The following PIM1 variants were observed in gnomAD, a reference collection of about 807,000 sequenced individuals.
PIM1 encodes serine/threonine-protein kinase pim-1.
PIM1 carries 9 observed loss-of-function variants against 34.5 expected under a neutral mutation model. The ratio of observed to expected loss-of-function variants is 0.26; its 90% CI spans 0.16 to 0.46. The LOEUF (loss-of-function observed/expected upper bound fraction) is 0.46. Among genes scored for constraint, PIM1 ranks in the 20% least tolerant of loss-of-function variants. PIM1 has a pLI of 1.00. For missense variants in PIM1, 274 were observed against 410.9 expected, an observed-to-expected ratio of 0.67 and a Z score of 2.88; for synonymous variants, 199 against 175.2, an observed-to-expected ratio of 1.14 and a Z score of -1.07.
Position 37,172,931 on chromosome 6 carries a change from ACCC to A in PIM1, c.608-64_608-62del, listed in dbSNP as rs1226910892. On this transcript the variant is annotated intron_variant, in intron 4 of 5. Coordinates refer to ENST00000373509, the MANE Select transcript of PIM1 (RefSeq NM_002648.4). ...TTTAAAAGAAAGAGTTATATATACC[ACCC>A]AGCTTCTTTGTGCTTGTTTTTGCTA... The A allele has an allele frequency of 3.6e-6, 5 of 1,376,734 alleles. No individual in the cohort carries two copies. The African/African-American group carries it at 7.3e-5, about 20-fold the overall frequency. The allele number at this position is 1,376,734 out of a possible 1,614,324, so 85.3% of individuals were successfully genotyped here.
Position 37,170,386 on chromosome 6 carries a change from C to T in PIM1, c.-190C>T. On this transcript the variant is annotated 5_prime_UTR_variant, in exon 1 of 6. Transcript: ENST00000373509. ...CTGGCGCGCCCTCCCGCCGCCAGTCCCGGCAGCGCCCTCAGTTGTCCTCCG... is the reference window on the plus strand; with the variant it reads ...CTGGCGCGCCCTCCCGCCGCCAGTCTCGGCAGCGCCCTCAGTTGTCCTCCG... 6.6e-7 allele frequency: 1 copy of T among 1,525,246 alleles called. No individual in the cohort carries two copies. Among genetic ancestry groups the T allele is most frequent in the Non-Finnish European group, 8.8e-7 (1 of 1,142,266 alleles). The allele number at this position is 1,525,246 out of a possible 1,614,324, so 94.5% of individuals were successfully genotyped here. A position where few individuals can be genotyped will look rare whatever the true frequency, so the allele number is the denominator to read the frequency against.
Position 37,170,532 on chromosome 6 carries a change from G to C in PIM1, c.-44G>C, listed in dbSNP as rs1384556739. ...AGCCCCGGCTCCGGCTCCTGCGGCA[G>C]CTCCTCTGGGCACCGTCCCTGCGCC... On this transcript the variant is annotated 5_prime_UTR_variant, in exon 1 of 6. Transcript: ENST00000373509. The C allele has an allele frequency of 1.9e-6, 3 of 1,610,148 alleles. No homozygotes were observed. The highest frequency in any genetic ancestry group is 1.7e-6 in the Non-Finnish European group (2 of 1,179,202).
At chr6:37,172,421 G>A (rs977404787) in intron 4 of PIM1, 3 of 353,788 alleles carry the variant, frequency 8.5e-6, no homozygotes, top group Non-Finnish European at 1.7e-5. Context: ...CAGGAATCAC[G>A]TGGTCTGAAA....
chr6:37,173,980 T>A lies in PIM1; in HGVS notation c.831T>A (p.Asp277Glu). The A allele has an allele frequency of 6.2e-7, 1 of 1,614,050 alleles. No homozygotes were observed. The highest frequency in any genetic ancestry group is 1.1e-5 in the South Asian group (1 of 91,080). ...IRWCLALRPS[D>E]RPTFEEIQNH... ...GGTGCTTGGCCCTGAGACCATCAGA[T>A]AGGCCAACCTTCGAAGAAATCCAGA... The change falls in exon 6 of 6, where the codon GAT (aspartate) becomes GAA (glutamate). Residue 277 changes from aspartate (D) to glutamate (E), a missense_variant. By Grantham distance (45) the Asp-to-Glu change is conservative. Transcript: ENST00000373509.
chr6:37,174,991 G>GTACT lies in PIM1; in HGVS notation c.*902_*903insCTTA, dbSNP rs1554166419. ...ATTCTAACCTGGAGGTCAATGTTAT[G>GTACT]TATTTATTTATTTATTTATTTGGTT... On this transcript the variant is annotated 3_prime_UTR_variant, in exon 6 of 6. Coordinates refer to ENST00000373509, the MANE Select transcript of PIM1 (RefSeq NM_002648.4). 8.6e-6 allele frequency: 2 copies of GTACT among 233,336 alleles called. No homozygotes were observed. Among genetic ancestry groups the GTACT allele is most frequent in the African/African-American group, 2.2e-5 (1 of 45,320 alleles). 14.5% of individuals were successfully genotyped at this position (233,336 alleles called of 1,614,324 possible). A position where few individuals can be genotyped will look rare whatever the true frequency, so the allele number is the denominator to read the frequency against.
At chr6:37,173,274 A>G in intron 5 of PIM1, 102 bp downstream of exon 5, 1 of 1,027,248 alleles carries the variant, frequency 9.7e-7, no homozygotes, top group Non-Finnish European at 1.4e-6. Flanking sequence ...ACTCTCCAGT[A>G]GATTCTGTCA....
rs1269117862 is a variant in PIM1, at chr6:37,174,164, C to G, written c.*73C>G. ...GGGGAAGCTTCTGTCTCCAGCTTCC[C>G]GAGTACCAGTGACACGTCTCGCCAA... On this transcript the variant is annotated 3_prime_UTR_variant, in exon 6 of 6. Transcript: ENST00000373509. The G allele has an allele frequency of 6.9e-7, 1 of 1,439,142 alleles. No homozygotes were observed. The allele number at this position is 1,439,142 out of a possible 1,614,324, so 89.1% of individuals were successfully genotyped here.
rs45569033 is a variant in PIM1 at position 37,173,846 on chromosome 6, T to C, written c.785-88T>C. The C allele has an allele frequency of 8.8e-3, 11,168 of 1,271,102 alleles. 511 individuals carry two copies. In the African/African-American group the frequency reaches 0.12, roughly 13 times the overall value. The allele number at this position is 1,271,102 out of a possible 1,614,324, so 78.7% of individuals were successfully genotyped here. A position where few individuals can be genotyped will look rare whatever the true frequency, so the allele number is the denominator to read the frequency against. The stretch of plus-strand genomic sequence containing the variant: ...TGGCCTCCCTGGGACCCCAGACTTG[T>C]GGGCCTCTGAGAAGCAAATGGGGAA... On this transcript the variant is annotated intron_variant, in intron 5 of 5. Coordinates refer to ENST00000373509, the MANE Select transcript of PIM1 (RefSeq NM_002648.4).
chr6:37,173,842 C>T (rs914765137), intron 5 of PIM1, 92 bp from the exon 6 acceptor site: 4 of 1,233,872 alleles, frequency 3.2e-6, no homozygotes, highest in Admixed American at 2.2e-5. Context: ...GGACCCCAGA[C>T]TTGTGGGCCT....
In PIM1 at chr6:37,170,373, C is replaced by G; in HGVS notation, c.-203C>G. 1 of 1,522,092 alleles carries G rather than the reference C, an allele frequency of 6.6e-7. No homozygotes were observed. Among genetic ancestry groups the G allele is most frequent in the African/African-American group, 1.4e-5 (1 of 70,918 alleles). 94.3% of individuals were successfully genotyped at this position (1,522,092 alleles called of 1,614,324 possible). On this transcript the variant is annotated 5_prime_UTR_variant, in exon 1 of 6. Coordinates refer to ENST00000373509, the MANE Select transcript of PIM1 (RefSeq NM_002648.4). ...CTGCCCGACCCCGCTGGCGCGCCCT[C>G]CCGCCGCCAGTCCCGGCAGCGCCCT...
Position 37,170,973 on chromosome 6 carries a change from G to A in PIM1, c.190-8G>A, listed in dbSNP as rs1476428658. The stretch of plus-strand genomic sequence containing the variant: ...CGAGGGAACCTGACGGAGACCCTGG[G>A]CTTCCAGGTGGCCATCAAACACGTG... On this transcript the variant is annotated splice_region_variant and splice_polypyrimidine_tract_variant and intron_variant, in intron 2 of 5. Transcript: ENST00000373509. 5 of 1,613,902 alleles carry A rather than the reference G, an allele frequency of 3.1e-6. No individual in the cohort carries two copies. The highest frequency in any genetic ancestry group is 2.7e-5 in the African/African-American group (2 of 74,930).
rs1762387478 is a variant in PIM1, at chr6:37,175,163, C to G, written c.*1072C>G. 4.3e-6 allele frequency: 1 copy of G among 233,634 alleles called. No homozygotes were observed. The highest frequency in any genetic ancestry group is 8.5e-6 in the Non-Finnish European group (1 of 118,138). The allele number at this position is 233,634 out of a possible 1,614,324, so 14.5% of individuals were successfully genotyped here. ...TCAGGCGGGACAGTGCTGCAGCTCCCTGGCTTCTGTGGGGCCCCTCACCTA... is the reference window on the plus strand; with the variant it reads ...TCAGGCGGGACAGTGCTGCAGCTCCGTGGCTTCTGTGGGGCCCCTCACCTA... On this transcript the variant is annotated 3_prime_UTR_variant, in exon 6 of 6. Coordinates refer to ENST00000373509, the MANE Select transcript of PIM1 (RefSeq NM_002648.4).
At chr6:37,172,582 A>G (rs1344366957) in intron 4 of PIM1, 1 of 457,200 alleles carries the variant, frequency 2.2e-6, no homozygotes, top group Non-Finnish European at 4.4e-6. Flanking sequence ...CCTGTCGGCC[A>G]TGAGAATCTC....
chr6:37,174,731 CCTT>C lies in PIM1; in HGVS notation c.*641_*643del, dbSNP rs544025711. On this transcript the variant is annotated 3_prime_UTR_variant, in exon 6 of 6. Coordinates refer to ENST00000373509, the MANE Select transcript of PIM1 (RefSeq NM_002648.4). Reference sequence around the variant, plus strand: ...GAGCCACCTGCCCTTTTTTCTGCCTCCTTTAGTAAAACTCCGAGTGAACTGGTC... The same window carrying C: ...GAGCCACCTGCCCTTTTTTCTGCCTCTAGTAAAACTCCGAGTGAACTGGTC... 7.7e-5 allele frequency: 18 copies of C among 233,728 alleles called. No homozygotes were observed. Among genetic ancestry groups the C allele is most frequent in the Admixed American group, 5.6e-4 (10 of 17,790 alleles). 14.5% of individuals were successfully genotyped at this position (233,728 alleles called of 1,614,324 possible).
At position 37,173,989 on chromosome 6, in the gene PIM1, C is replaced by T. The variant is rs144132371; in HGVS notation, c.840C>T (p.Thr280=). The T allele has an allele frequency of 6.2e-7, 1 of 1,613,990 alleles. No homozygotes were observed. The highest frequency in any genetic ancestry group is 1.3e-5 in the African/African-American group (1 of 74,912). Residue 280 remains threonine, a synonymous_variant, in exon 6 of 6, where the codon ACC becomes ACT. Transcript: ENST00000373509. ...CCCTGAGACCATCAGATAGGCCAAC[C>T]TTCGAAGAAATCCAGAACCATCCAT... is the stretch of plus-strand genomic sequence containing the variant. ...CLALRPSDRP[T]FEEIQNHPWM...
Position 37,171,258 on chromosome 6 carries a change from C to G in PIM1, c.374C>G (p.Pro125Arg). The G allele has an allele frequency of 1.2e-6, 2 of 1,614,164 alleles. No individual in the cohort carries two copies. The highest frequency in any genetic ancestry group is 1.7e-6 in the Non-Finnish European group (2 of 1,180,046). ...GTCCTGATCCTGGAGAGGCCCGAGC[C>G]GGTGCAAGATCTCTTCGACTTCATC... The part of the protein sequence containing the change: ...SFVLILERPE[P>R]VQDLFDFITE... The change falls in exon 4 of 6, where the codon CCG (proline) becomes CGG (arginine). Residue 125 changes from proline (P) to arginine (R), a missense_variant. Pro to Arg is a moderately radical substitution (Grantham distance 103, BLOSUM62 -2). This residue lies in a region of PIM1 where 168 missense variants were observed against 299.4 expected (regional missense o/e 0.56). Coordinates refer to ENST00000373509, the MANE Select transcript of PIM1 (RefSeq NM_002648.4).
Position 37,170,581 on chromosome 6 carries a change from C to G in PIM1, c.6C>G (p.Leu2=), listed in dbSNP as rs576804627. The change falls in exon 1 of 6, where the codon CTC becomes CTG. Residue 2 remains leucine, a synonymous_variant. Transcript: ENST00000373509. M[L]LSKINSLAHL... is the part of the protein sequence containing the mutation. The stretch of plus-strand genomic sequence containing the variant: ...CCGACATCCTGGAGGTTGGGATGCT[C>G]TTGTCCAAAATCAACTCGCTTGCCC... 9.9e-6 allele frequency: 16 copies of G among 1,613,106 alleles called. No homozygotes were observed. In the East Asian group the frequency reaches 3.3e-4, roughly 34 times the overall value.
At chr6:37,172,894 A>ATTT (rs71773641) in intron 4 of PIM1, 102 bp from the exon 5 acceptor site, 8 of 855,694 alleles carry the variant, frequency 9.3e-6, no homozygotes, top group African/African-American at 7.1e-5. Context: ...GAGAGAAGGG[A>ATTT]TTTTTTTTTT....
chr6:37,173,364 T>A (rs1204621363), intron 5 of PIM1, among the ~76,000 whole-genome samples, 192 bp downstream of exon 5: 3 of 152,202 alleles, frequency 2.0e-5, no homozygotes, highest in African/African-American at 7.2e-5. Flanking sequence ...TGAGCTTTCC[T>A]TGGGAGGTCA....
Sources: allele counts gnomAD v4.1 joint callset (sites outside exome capture counted in the v4.1 genomes callset), GRCh38; gene constraint gnomAD v4.1.1; regional missense constraint gnomAD v4.1.1; transcripts MANE v1.5; gene names NCBI Gene and HGNC (gene_info 2026-07-23, HGNC 2026-07-21).